The following MYH13 variants were observed in gnomAD, a reference collection of about 807,000 sequenced individuals.
MYH13 encodes the protein myosin heavy chain 13, also known as myosin-13.
Under a neutral mutation model 232.1 loss-of-function variants are expected in MYH13, and 177 were observed. That is an observed-to-expected ratio of 0.76 (90% CI 0.67 to 0.86). The LOEUF is 0.86. MYH13 is among the 40% of genes least tolerant of loss of function. The pLI is 0.00. For synonymous variants in MYH13, 884 were observed against 923.5 expected (o/e 0.96, Z 0.78); for missense variants, 2,246 against 2,405.9 (o/e 0.93, Z 1.39).
chr17:10,355,053 A>G (rs765956900), intron 9 of MYH13, 31 bp downstream of exon 9: 25 of 1,609,476 alleles, frequency 1.6e-5, no homozygotes, highest in Non-Finnish European at 2.0e-5. Context: ...TGGCCAAAAC[A>G]CCAACGGATT....
intron 35 of MYH13, among the ~76,000 whole-genome samples, chr17:10,307,281 C>T (rs2142217807): frequency 6.6e-6 from 1 of 151,794 alleles, no homozygotes; most frequent in African/African-American, 2.4e-5. Context: ...TGAAAGAATT[C>T]AGTAAATGAT....
At chr17:10,322,875 T>C (rs1467608350) in intron 23 of MYH13, among the ~76,000 whole-genome samples, 9 of 152,100 alleles carry the variant, frequency 5.9e-5, no homozygotes, top group South Asian at 4.1e-4. Flanking sequence ...CCTCGTGGTC[T>C]GCCCACCTTG....
chr17:10,303,434 G>T lies in MYH13; in HGVS notation c.5531C>A (p.Ala1844Asp), dbSNP rs1303785591. The T allele has an allele frequency of 1.2e-6, 2 of 1,613,920 alleles. No individual in the cohort carries two copies. Among genetic ancestry groups the T allele is most frequent in the South Asian group, 2.2e-5 (2 of 91,074 alleles). Residue 1844 changes from alanine to aspartate, a missense_variant, in exon 38 of 41, where the codon GCC becomes GAC. Transcript: ENST00000252172. The part of the protein sequence containing the change: ...QKRGAEALKG[A>D]HKYERKVKEM... ...CTTGACTTTGCGTTCGTACTTGTGG[G>T]CTCCCTTCAGGGCTTCAGCTCCCCT... is the stretch of plus-strand genomic sequence containing the variant.
chr17:10,301,078 G>A, intron 40 of MYH13, 113 bp from the exon 41 acceptor site: 2 of 965,592 alleles, frequency 2.1e-6, no homozygotes, highest in Non-Finnish European at 3.3e-6. Flanking sequence ...GAATATTAAG[G>A]AATGGCGTTG....
intron 3 of MYH13, among the ~76,000 whole-genome samples, chr17:10,362,719 G>A (rs1489195674): frequency 1.3e-5 from 2 of 152,124 alleles, no homozygotes; most frequent in Non-Finnish European, 2.9e-5. Flanking sequence ...CTGGTCTGAT[G>A]CCCCTCAGTC....
intron 18 of MYH13, among the ~76,000 whole-genome samples, chr17:10,336,337 C>T (rs1450217375): frequency 6.6e-6 from 1 of 152,218 alleles, no homozygotes; most frequent in East Asian, 1.9e-4. Flanking sequence ...CCTTCTGCTC[C>T]AGCCGCTGAA....
At chr17:10,346,902 T>C (rs1291472746) in intron 12 of MYH13, 104 bp from the exon 13 acceptor site, 1 of 801,164 alleles carries the variant, frequency 1.2e-6, no homozygotes, top group African/African-American at 1.7e-5. Context: ...TTTTCTTAAA[T>C]GTTTTCATGT....
chr17:10,371,374 C>A (rs1567675734), intron 1 of MYH13, 115 bp from the exon 2 acceptor site: 1 of 152,268 alleles, frequency 6.6e-6, no homozygotes, highest in East Asian at 1.9e-4. Context: ...AATAGATACA[C>A]AGTAGATGGT....
At chr17:10,347,956 A>T (rs573736854) in intron 12 of MYH13, among the ~76,000 whole-genome samples, 2 of 151,878 alleles carry the variant, frequency 1.3e-5, no homozygotes, top group East Asian at 3.9e-4. Flanking sequence ...TGACCTTGTG[A>T]TCTGCCCACC....
rs770719239 is a variant in MYH13 at position 10,321,709 on chromosome 17, C to T, written c.2935-1G>A. 4 of 1,611,154 alleles carry T rather than the reference C, an allele frequency of 2.5e-6. No individual in the cohort carries two copies. The highest frequency in any genetic ancestry group is 1.3e-5 in the African/African-American group (1 of 74,850). On this transcript the variant is annotated splice_acceptor_variant, in intron 23 of 40. Coordinates refer to ENST00000252172, the MANE Select transcript of MYH13 (RefSeq NM_003802.3). LOFTEE classifies it high-confidence loss of function. The stretch of plus-strand genomic sequence containing the variant: ...TCATTTCTTCGGAAAGATTCTTTAC[C>T]TGGGACAATATTAACACCGATTTAA...
At chr17:10,342,950 C>G (rs1376168259) in intron 16 of MYH13, among the ~76,000 whole-genome samples, 1 of 151,890 alleles carries the variant, frequency 6.6e-6, no homozygotes, top group Non-Finnish European at 1.5e-5. Flanking sequence ...ATTAGCCGGG[C>G]GTGGTGGCGT....
At chr17:10,347,122 C>T (rs1051250208) in intron 12 of MYH13, among the ~76,000 whole-genome samples, 2 of 152,142 alleles carry the variant, frequency 1.3e-5, no homozygotes, top group African/African-American at 2.4e-5. Flanking sequence ...GTAATCCCAG[C>T]GTTTTGGGAG....
Position 10,362,132 on chromosome 17 carries a change from T to C in MYH13, c.491A>G (p.Gln164Arg), listed in dbSNP as rs373267076. The stretch of plus-strand genomic sequence containing the variant: ...AAATTACTCACCAGTCAGCATGAAC[T>C]GATAGGCATTGTCAGAGATGGAGAA... ...HIFSISDNAY[Q>R]FMLTDRDNQS... The change falls in exon 5 of 41, where the codon CAG (glutamine) becomes CGG (arginine). Residue 164 changes from glutamine to arginine, a missense_variant. Physicochemically the swap from Gln to Arg is conservative, Grantham distance 43. Transcript: ENST00000252172. 3.1e-6 allele frequency: 5 copies of C among 1,613,832 alleles called. No homozygotes were observed. In the African/African-American group the frequency reaches 4.0e-5, roughly 13 times the overall value.
At chr17:10,327,143 AGGCGCCCGCC>A (rs1907240322) in intron 22 of MYH13, among the ~76,000 whole-genome samples, 1 of 101,606 alleles carries the variant, frequency 9.8e-6, no homozygotes, top group Non-Finnish European at 2.1e-5. Flanking sequence ...CTGGGACTAC[AGGCGCCCGCC>A]ACTACGCCCG....
chr17:10,317,200 A>G (rs1906746191), intron 27 of MYH13, among the ~76,000 whole-genome samples: 1 of 152,188 alleles, frequency 6.6e-6, no homozygotes, highest in Non-Finnish European at 1.5e-5. Flanking sequence ...CTTCCTACCC[A>G]GCTACCCCTG....
chr17:10,346,535 G>T (rs767097466), intron 13 of MYH13, 145 bp downstream of exon 13: 2 of 620,496 alleles, frequency 3.2e-6, no homozygotes, highest in Non-Finnish European at 5.5e-6. Context: ...TCCTTCAGTT[G>T]CCTCTGAAGC....
chr17:10,320,916 T>A (rs1906917795), intron 24 of MYH13, among the ~76,000 whole-genome samples: 1 of 152,152 alleles, frequency 6.6e-6, no homozygotes. Context: ...AAGGAATTCG[T>A]GTGTGTGTAT....
At chr17:10,346,547 TA>T in intron 13 of MYH13, 132 bp downstream of exon 13, 1 of 661,726 alleles carries the variant, frequency 1.5e-6, no homozygotes, top group Non-Finnish European at 2.4e-6. Flanking sequence ...CTCTGAAGCC[TA>T]AAAATGAACT....
intron 25 of MYH13, 52 bp downstream of exon 25, chr17:10,320,299 G>C: frequency 6.2e-7 from 1 of 1,606,486 alleles, no homozygotes; most frequent in Admixed American, 1.7e-5. Flanking sequence ...CTTGGAGGGG[G>C]TGAAAGTTGG....
Sources: allele counts gnomAD v4.1 joint callset (sites outside exome capture counted in the v4.1 genomes callset), GRCh38; gene constraint gnomAD v4.1.1; transcripts MANE v1.5; gene names NCBI Gene and HGNC (gene_info 2026-07-23, HGNC 2026-07-21).